The following EFHD1 variants were observed in gnomAD, a reference collection of about 807,000 sequenced individuals.
The protein encoded by EFHD1 is EF-hand domain family member D1.
A neutral mutation model predicts 17.2 loss-of-function variants in EFHD1; 10 were observed. The ratio of observed to expected loss-of-function variants is 0.58; its 90% CI spans 0.36 to 0.99. EFHD1 has a LOEUF of 0.99. EFHD1 is among the 50% of genes least tolerant of loss of function. EFHD1 has a pLI of 0.01. For synonymous variants in EFHD1, 153 were observed against 142.0 expected (o/e 1.08, Z -0.55); for missense variants, 310 against 327.5 (o/e 0.95, Z 0.41).
chr2:232,648,132 G>A (rs115679669), intron 1 of EFHD1, among the ~76,000 whole-genome samples: 1,824 of 152,260 alleles, frequency 0.012, 43 homozygotes, highest in African/African-American at 0.042. Flanking sequence ...GTCCCAGCTA[G>A]GCAGGAGGCT....
At chr2:232,611,287 A>G (rs1693811671) in intron 1 of EFHD1, among the ~76,000 whole-genome samples, 1 of 123,288 alleles carries the variant, frequency 8.1e-6, no homozygotes, top group South Asian at 3.1e-4. Flanking sequence ...GCTTCTTGAT[A>G]GAACAAGCAT....
rs139205118 is a variant in EFHD1 at position 232,677,627 on chromosome 2, T to C, written c.586-3958T>C. Reference sequence around the variant, plus strand: ...AGTCCCAGCTACTCAGGAGGCTGAATTGGGAGGAACACTTGAGCCTGGGAG... The same window carrying C: ...AGTCCCAGCTACTCAGGAGGCTGAACTGGGAGGAACACTTGAGCCTGGGAG... On this transcript the variant is annotated intron_variant, in intron 3 of 3. Coordinates refer to ENST00000264059, the MANE Select transcript of EFHD1 (RefSeq NM_025202.4). Among the ~76,000 whole-genome samples, 717 of 152,068 alleles carry C rather than the reference T, an allele frequency of 4.7e-3. 5 individuals carry two copies. Among genetic ancestry groups the C allele is most frequent in the African/African-American group, 0.016 (676 of 41,490 alleles).
At chr2:232,619,413 TGA>T (rs994186787) in intron 1 of EFHD1, among the ~76,000 whole-genome samples, 44 of 150,712 alleles carry the variant, frequency 2.9e-4, no homozygotes, top group African/African-American at 1.0e-3. Flanking sequence ...TGGGTTCAAG[TGA>T]CTTTCCTGCC....
intron 1 of EFHD1, among the ~76,000 whole-genome samples, chr2:232,660,741 G>A (rs1476748931): frequency 6.6e-6 from 1 of 151,926 alleles, no homozygotes; most frequent in East Asian, 1.9e-4. Context: ...ACTCTAGGAG[G>A]CCAAGGCGGG....
chr2:232,606,078 C>A, exon 1 of EFHD1: 3 of 1,484,858 alleles, frequency 2.0e-6, no homozygotes, highest in Non-Finnish European at 2.8e-6. Flanking sequence ...GCGGATACCC[C>A]GGCCTTGGCG....
At chr2:232,636,493 C>G (rs1351168241) in intron 1 of EFHD1, among the ~76,000 whole-genome samples, 1 of 152,096 alleles carries the variant, frequency 6.6e-6, no homozygotes, top group East Asian at 1.9e-4. Flanking sequence ...GATTTTAGCC[C>G]CTAATTTTTA....
intron 1 of EFHD1, among the ~76,000 whole-genome samples, chr2:232,660,238 A>C (rs2106209737): frequency 6.6e-6 from 1 of 151,664 alleles, no homozygotes; most frequent in East Asian, 1.9e-4. Context: ...TCTGTCACCC[A>C]GGCTGGAGTG....
At chr2:232,630,591 T>G (rs527435831), upstream of EFHD1, among the ~76,000 whole-genome samples, 2 of 152,256 alleles carry the variant, frequency 1.3e-5, no homozygotes, top group South Asian at 2.1e-4. Context: ...AAGCACTCCC[T>G]CATTTGGAAA....
rs764686769 is a variant in EFHD1, at chr2:232,623,692, AAAGAAGAAGAAG to A, written c.14+17534_14+17545del. On this transcript the variant is annotated intron_variant, in intron 1 of 3. Coordinates refer to the EFHD1 transcript ENST00000409613. ...TCTGTCCAAAAAAAAAAAAAAAAAAAAAGAAGAAGAAGAAGAAGAAGAAGAAAGAAAGAAAGA... is the reference window on the plus strand; with the variant it reads ...TCTGTCCAAAAAAAAAAAAAAAAAAAAAGAAGAAGAAGAAAGAAAGAAAGA... Among the ~76,000 whole-genome samples, 500 of 101,872 alleles carry A rather than the reference AAAGAAGAAGAAG, an allele frequency of 4.9e-3. 9 individuals carry two copies. The highest frequency in any genetic ancestry group is 0.014 in the Middle Eastern group (3 of 210). The allele number at this position is 101,872 out of a possible 152,430, so 66.8% of individuals were successfully genotyped here.
chr2:232,633,413 G>C (rs945713433), upstream of EFHD1: 43 of 1,186,912 alleles, frequency 3.6e-5, no homozygotes, highest in African/African-American at 6.5e-4. Flanking sequence ...CCTCCCGCCC[G>C]GAGCCGCGGG....
chr2:232,607,054 C>T (rs1481597157), intron 1 of EFHD1, among the ~76,000 whole-genome samples: 2 of 151,458 alleles, frequency 1.3e-5, no homozygotes, highest in South Asian at 2.1e-4. Flanking sequence ...TGCAGTGGCG[C>T]GATCACGGCT....
rs1450344809 is a variant in EFHD1 at position 232,615,118 on chromosome 2, T to A, written c.14+8945T>A. 2.0e-5 allele frequency among the ~76,000 whole-genome samples: 3 copies of A among 152,162 alleles called. No individual in the cohort carries two copies. In the South Asian group the frequency reaches 6.2e-4, roughly 32 times the overall value. ...AATCCTCCCACCTTAGTCTCCCAAG[T>A]AGAGGGGACTACATGCACCCACCAC... is the stretch of plus-strand genomic sequence containing the variant. On this transcript the variant is annotated intron_variant, in intron 1 of 3. Transcript: ENST00000409613.
intron 1 of EFHD1, among the ~76,000 whole-genome samples, chr2:232,617,486 A>T (rs975680240): frequency 5.5e-5 from 5 of 91,542 alleles, no homozygotes; most frequent in African/African-American, 1.9e-4. Context: ...CGTCTTTACT[A>T]AAAAAAAATA....
rs1559350325 is a variant in EFHD1 at position 232,655,636 on chromosome 2, GT to G, written c.303-7162del. On this transcript the variant is annotated intron_variant, in intron 1 of 3. Coordinates refer to ENST00000264059, the MANE Select transcript of EFHD1 (RefSeq NM_025202.4). ...TTCTCAGGTCTAGTTCCAGTTGGCCGTTTTGCCAGAAGGCACTTCCTTGCAC... is the reference window on the plus strand; with the variant it reads ...TTCTCAGGTCTAGTTCCAGTTGGCCGTTTGCCAGAAGGCACTTCCTTGCAC... 2.0e-5 allele frequency among the ~76,000 whole-genome samples: 3 copies of G among 152,122 alleles called. No homozygotes were observed. In the South Asian group the frequency reaches 6.2e-4, roughly 32 times the overall value.
intron 3 of EFHD1, among the ~76,000 whole-genome samples, chr2:232,676,848 T>C (rs1695182230): frequency 6.6e-6 from 1 of 151,994 alleles, no homozygotes; most frequent in Non-Finnish European, 1.5e-5. Context: ...GAGCAGTTTT[T>C]AGAAGAGATT....
intron 1 of EFHD1, among the ~76,000 whole-genome samples, chr2:232,614,385 T>G (rs544863914): frequency 4.6e-5 from 7 of 152,158 alleles, no homozygotes; most frequent in Non-Finnish European, 8.8e-5. Context: ...ACCCCTCCCC[T>G]TCCTCCTCTG....
rs752017557 is a variant in EFHD1 at position 232,672,358 on chromosome 2, G to C, written c.500G>C (p.Ser167Thr). 6.2e-7 allele frequency: 1 copy of C among 1,614,200 alleles called. No individual in the cohort carries two copies. The change falls in exon 3 of 4, where the codon AGT becomes ACT. Residue 167 changes from serine (S) to threonine (T), a missense_variant. Transcript: ENST00000264059. ...GCGGCAGGGGAGCTGCAGGAGGACA[G>C]TGGGCTGATGGCGCTGGCAAAGCTT... Reference protein sequence around the residue: ...KAAAGELQEDSGLMALAKLSE... With the variant: ...KAAAGELQEDTGLMALAKLSE...
intron 3 of EFHD1, among the ~76,000 whole-genome samples, chr2:232,680,189 C>T (rs765982574): frequency 6.6e-5 from 10 of 151,910 alleles, no homozygotes; most frequent in Non-Finnish European, 1.2e-4. Context: ...GCAGGAGGAT[C>T]GGTTGAGCCC....
At chr2:232,663,265 A>G (rs978820391) in intron 2 of EFHD1, among the ~76,000 whole-genome samples, 2 of 152,136 alleles carry the variant, frequency 1.3e-5, no homozygotes, top group Non-Finnish European at 2.9e-5. Flanking sequence ...TTTTTTATAT[A>G]TTAAAGCTTT....
Sources: gnomAD v4.1 joint callset for allele counts (sites outside exome capture counted in the v4.1 genomes callset) on GRCh38, gnomAD v4.1.1 for gene constraint, MANE v1.5 for transcripts, NCBI Gene and HGNC (gene_info 2026-07-23, HGNC 2026-07-21) for gene names.